DDX42: variants seen among roughly 807,000 people sequenced by gnomAD.
The protein encoded by DDX42 is ATP-dependent RNA helicase DDX42.
In DDX42, 22 loss-of-function variants were observed where a neutral mutation model predicts 101.5. The observed-to-expected ratio is 0.22, with a 90% CI of 0.15 to 0.31. DDX42 has a LOEUF of 0.31. Among genes scored for constraint, DDX42 ranks in the 10% least tolerant of loss-of-function variants. The probability of loss-of-function intolerance (pLI) is 1.00; values close to 1 mark genes in which losing one functional copy is unlikely to be tolerated. For missense variants in DDX42, 849 were observed against 1,199.9 expected (o/e 0.71, Z 4.32); for synonymous variants, 402 against 401.2 (o/e 1.00, Z -0.02).
chr17:63,817,488 TG>T, intron 17 of DDX42: 3 of 549,690 alleles, frequency 5.5e-6, no homozygotes, highest in Non-Finnish European at 9.7e-6. Context: ...TTCAGAACAC[TG>T]GGGGTCCATC....
At chr17:63,796,892 A>C (rs2039699912) in intron 3 of DDX42, among the ~76,000 whole-genome samples, 1 of 152,198 alleles carries the variant, frequency 6.6e-6, no homozygotes, top group Admixed American at 6.5e-5. Flanking sequence ...ATTTGGTTTG[A>C]TAGAACACCC....
At chr17:63,801,022 T>TC (rs1440068231) in intron 6 of DDX42, among the ~76,000 whole-genome samples, 3 of 151,308 alleles carry the variant, frequency 2.0e-5, no homozygotes, top group Admixed American at 6.6e-5. Context: ...TCTTCTTTCT[T>TC]TCTTCTCTTC....
chr17:63,810,605 G>A (rs929126874), intron 12 of DDX42, 45 bp downstream of exon 12: 21 of 1,571,900 alleles, frequency 1.3e-5, no homozygotes, highest in Non-Finnish European at 1.7e-5. Flanking sequence ...TACTAAAAAG[G>A]GCACTTATTT....
At chr17:63,817,093 C>G in intron 17 of DDX42, 127 bp downstream of exon 17, 2 of 694,428 alleles carry the variant, frequency 2.9e-6, no homozygotes, top group Non-Finnish European at 4.8e-6. Context: ...CTTCACGCTG[C>G]TTGGATTTTG....
In DDX42 at chr17:63,805,032, C is replaced by G; in HGVS notation, c.622-39C>G. ...TAAAATCAAACTTACAGAATTGACT[C>G]TTGAATTCTAGACTAACTTTGAATA... On this transcript the variant is annotated intron_variant, in intron 6 of 17. Transcript: ENST00000389924. 2.5e-6 allele frequency: 4 copies of G among 1,571,466 alleles called. No homozygotes were observed. In the East Asian group the frequency reaches 9.2e-5, roughly 36 times the overall value.
Position 63,817,753 on chromosome 17 carries a change from T to A in DDX42, c.2172T>A (p.Ser724=), listed in dbSNP as rs768998279. ...ASLSNQKAGS[S]AAGASGWTSA... The stretch of plus-strand genomic sequence containing the variant: ...TAAGTAATCAGAAGGCTGGAAGTTC[T>A]GCTGCTGGGGCAAGTGGGTGGACTA... Residue 724 remains serine, a synonymous_variant, in exon 18 of 18, where the codon TCT becomes TCA. Coordinates refer to ENST00000389924, the MANE Select transcript of DDX42 (RefSeq NM_203499.3). 7.4e-6 allele frequency: 12 copies of A among 1,614,118 alleles called. No individual in the cohort carries two copies. The highest frequency in any genetic ancestry group is 2.7e-5 in the African/African-American group (2 of 74,944).
At position 63,774,234 on chromosome 17, in the gene DDX42, T is replaced by TGGTGGTGGTGGCGGCGGC. The variant is rs2039385026; in HGVS notation, c.-156_-139dup. The TGGTGGTGGTGGCGGCGGC allele has an allele frequency of 4.0e-6, 1 of 252,622 alleles. No homozygotes were observed. The highest frequency in any genetic ancestry group is 6.7e-6 in the Non-Finnish European group (1 of 148,950). 15.6% of individuals were successfully genotyped at this position (252,622 alleles called of 1,614,324 possible). ...GCGGTGGTGGCGGTGGCGGCGGCGG[T>TGGTGGTGGTGGCGGCGGC]GGTGGTGGTGGCGGCGGCGGCGGCG... On this transcript the variant is annotated 5_prime_UTR_variant, in exon 1 of 18. Transcript: ENST00000389924.
chr17:63,778,672 G>A (rs1567727126), intron 1 of DDX42, among the ~76,000 whole-genome samples: 2 of 151,210 alleles, frequency 1.3e-5, no homozygotes, highest in African/African-American at 2.4e-5. Context: ...ACAGCATCTC[G>A]CTCTGTTATC....
At chr17:63,800,175 C>T (rs886760740) in intron 5 of DDX42, 2 of 315,216 alleles carry the variant, frequency 6.3e-6, no homozygotes, top group Non-Finnish European at 1.2e-5. Flanking sequence ...TTCTATGGCT[C>T]TGGGCAGGGT....
intron 2 of DDX42, 61 bp from the exon 3 acceptor site, chr17:63,792,351 T>C (rs1396462475): frequency 3.9e-6 from 6 of 1,543,004 alleles, no homozygotes; most frequent in Non-Finnish European, 5.3e-6. Flanking sequence ...TGTTGTTAAA[T>C]GAAAGATTTA....
intron 1 of DDX42, among the ~76,000 whole-genome samples, chr17:63,782,888 G>A (rs2039505224): frequency 6.6e-6 from 1 of 152,046 alleles, no homozygotes; most frequent in Non-Finnish European, 1.5e-5. Flanking sequence ...AGCCTTCTAA[G>A]CTGTTCATCT....
intron 10 of DDX42, 75 bp from the exon 11 acceptor site, chr17:63,809,485 C>T: frequency 2.5e-6 from 3 of 1,199,096 alleles, no homozygotes; most frequent in Non-Finnish European, 3.7e-6. Context: ...GCACTTTTGC[C>T]AGGAGTGCAA....
At chr17:63,809,737 T>G (rs1048910734) in intron 11 of DDX42, 78 bp downstream of exon 11, 1 of 1,199,602 alleles carries the variant, frequency 8.3e-7, no homozygotes, top group Non-Finnish European at 1.2e-6. Context: ...TAGACTGTTT[T>G]TTCAGCATGA....
chr17:63,818,723 A>T lies in DDX42; in HGVS notation c.*325A>T, dbSNP rs886791263. 23 of 221,412 alleles carry T rather than the reference A, an allele frequency of 1.0e-4. No homozygotes were observed. Among genetic ancestry groups the T allele is most frequent in the Admixed American group, 5.1e-5 (1 of 19,696 alleles). The allele number at this position is 221,412 out of a possible 1,614,324, so 13.7% of individuals were successfully genotyped here. ...TCTAGGTTTATATTGTATGTAGCTTATATTTTTTACTAAGGTGTCACCTTA... is the reference window on the plus strand; with the variant it reads ...TCTAGGTTTATATTGTATGTAGCTTTTATTTTTTACTAAGGTGTCACCTTA... On this transcript the variant is annotated 3_prime_UTR_variant, in exon 18 of 18. Transcript: ENST00000389924.
chr17:63,817,615 CTCA>C (rs1598345835), intron 17 of DDX42, 76 bp from the exon 18 acceptor site: 3 of 1,400,520 alleles, frequency 2.1e-6, no homozygotes, highest in East Asian at 2.3e-5. Flanking sequence ...TTCTGTAAAC[CTCA>C]TCATTTGCCA....
intron 1 of DDX42, among the ~76,000 whole-genome samples, chr17:63,785,602 T>TTA (rs1555571352): frequency 8.6e-5 from 12 of 140,196 alleles, no homozygotes; most frequent in African/African-American, 3.2e-4. Flanking sequence ...CCCTGTTCCT[T>TTA]AAAAAAAAAA....
Position 63,805,741 on chromosome 17 carries a change from A to G in DDX42, c.726+566A>G, listed in dbSNP as rs192428431. The G allele has an allele frequency of 2.3e-3, 351 of 152,684 alleles. 1 individual carries two copies. Among genetic ancestry groups the G allele is most frequent in the Middle Eastern group, 6.8e-3 (2 of 294 alleles). 9.5% of individuals were successfully genotyped at this position (152,684 alleles called of 1,614,324 possible). ...CTATGCTATCTACTCTAATATAGAC[A>G]ACTTTCTCGCCTGTGTGCACCTTAT... is the stretch of plus-strand genomic sequence containing the variant. On this transcript the variant is annotated intron_variant, in intron 7 of 17. Coordinates refer to ENST00000389924, the MANE Select transcript of DDX42 (RefSeq NM_203499.3).
At chr17:63,783,881 A>G (rs1441725740) in intron 1 of DDX42, among the ~76,000 whole-genome samples, 1 of 151,948 alleles carries the variant, frequency 6.6e-6, no homozygotes, top group Non-Finnish European at 1.5e-5. Context: ...TGCCTAACAT[A>G]ACGAAACCCC....
rs867563908 is a variant in DDX42 at position 63,774,234 on chromosome 17, T to G, written c.-159T>G. The stretch of plus-strand genomic sequence containing the variant: ...GCGGTGGTGGCGGTGGCGGCGGCGG[T>G]GGTGGTGGTGGCGGCGGCGGCGGCG... On this transcript the variant is annotated 5_prime_UTR_variant, in exon 1 of 18. Coordinates refer to ENST00000389924, the MANE Select transcript of DDX42 (RefSeq NM_203499.3). The G allele has an allele frequency of 7.9e-6, 2 of 253,184 alleles. No individual in the cohort carries two copies. Among genetic ancestry groups the G allele is most frequent in the South Asian group, 1.1e-4 (1 of 9,170 alleles). The allele number at this position is 253,184 out of a possible 1,614,324, so 15.7% of individuals were successfully genotyped here. A position where few individuals can be genotyped will look rare whatever the true frequency, so the allele number is the denominator to read the frequency against.
Sources: allele counts gnomAD v4.1 joint callset (sites outside exome capture counted in the v4.1 genomes callset), GRCh38; gene constraint gnomAD v4.1.1; transcripts MANE v1.5; gene names NCBI Gene and HGNC (gene_info 2026-07-23, HGNC 2026-07-21).